CSGALNACT1: variants seen among roughly 807,000 people sequenced by gnomAD.
CSGALNACT1 encodes the protein beta4GalNAcT-1.
In CSGALNACT1, 52 loss-of-function variants were observed where a neutral mutation model predicts 51.0. That is an observed-to-expected ratio of 1.02 (90% CI 0.82 to 1.29). The LOEUF (loss-of-function observed/expected upper bound fraction) is 1.29. CSGALNACT1 is among the 50% of genes most tolerant of loss of function. CSGALNACT1 has a pLI of 0.00. For missense variants in CSGALNACT1, 935 were observed against 679.2 expected (o/e 1.38, Z -4.19); for synonymous variants, 341 against 254.4 (o/e 1.34, Z -3.24).
At chr8:19,718,403 C>T (rs1470406422) in intron 1 of CSGALNACT1, among the ~76,000 whole-genome samples, 1 of 152,144 alleles carries the variant, frequency 6.6e-6, no homozygotes. Flanking sequence ...AGCCTGGCCA[C>T]AGGCTTTCTA....
intron 1 of CSGALNACT1, among the ~76,000 whole-genome samples, chr8:19,728,627 C>G (rs117009166): frequency 0.012 from 1,796 of 152,268 alleles, 18 homozygotes; most frequent in Non-Finnish European, 0.018. Context: ...CATGTTCATT[C>G]CACATTTCAG....
At chr8:19,665,671 C>A (rs2059123860) in intron 1 of CSGALNACT1, among the ~76,000 whole-genome samples, 1 of 152,136 alleles carries the variant, frequency 6.6e-6, no homozygotes, top group Admixed American at 6.6e-5. Context: ...GGTTCTGCGA[C>A]CAGAACCAAA....
upstream of CSGALNACT1, among the ~76,000 whole-genome samples, chr8:19,606,588 T>G (rs997832175): frequency 1.3e-5 from 2 of 152,216 alleles, no homozygotes; most frequent in Non-Finnish European, 2.9e-5. Flanking sequence ...TGTTATTTTG[T>G]CAAATGAAAA....
chr8:19,747,793 C>T (rs2064772912), intron 1 of CSGALNACT1, among the ~76,000 whole-genome samples: 1 of 151,336 alleles, frequency 6.6e-6, no homozygotes, highest in African/African-American at 2.4e-5. Context: ...AACTTGTCTA[C>T]ACCTCCAACT....
intron 6 of CSGALNACT1, among the ~76,000 whole-genome samples, chr8:19,428,923 C>T (rs1162511375): frequency 6.6e-6 from 1 of 150,882 alleles, no homozygotes; most frequent in Non-Finnish European, 1.5e-5. Flanking sequence ...AGTTAAAATT[C>T]ACACAACATA....
intron 5 of CSGALNACT1, among the ~76,000 whole-genome samples, chr8:19,454,359 T>C (rs2063707836): frequency 6.6e-6 from 1 of 152,220 alleles, no homozygotes; most frequent in South Asian, 2.1e-4. Context: ...GTAAAGGTTG[T>C]AACCCTGTCA....
rs546648948 is a variant in CSGALNACT1, at chr8:19,411,822, G to A, written c.1228-3128C>T. 4.0e-4 allele frequency among the ~76,000 whole-genome samples: 59 copies of A among 147,896 alleles called. No homozygotes were observed. The South Asian group carries it at 5.2e-3, about 13-fold the overall frequency. On this transcript the variant is annotated intron_variant, in intron 8 of 9. Transcript: ENST00000454498. ...CTGGATTTCACTGATCTGTTTCCAA[G>A]CACTATCCTCCTTTTTTTTTTTTTT... is the stretch of plus-strand genomic sequence containing the variant.
At chr8:19,442,512 T>G (rs1202702992) in intron 5 of CSGALNACT1, among the ~76,000 whole-genome samples, 2 of 144,056 alleles carry the variant, frequency 1.4e-5, no homozygotes, top group African/African-American at 5.2e-5. Context: ...TAGGTGGGAA[T>G]TGAACAATGA....
At chr8:19,600,351 A>G (rs1041045187) in intron 2 of CSGALNACT1, among the ~76,000 whole-genome samples, 7 of 152,172 alleles carry the variant, frequency 4.6e-5, no homozygotes, top group Admixed American at 1.3e-4. Context: ...AAGTGCTGGG[A>G]TTATAGGAGT....
chr8:19,624,676 G>GT (rs552913018), intron 1 of CSGALNACT1, among the ~76,000 whole-genome samples: 5,883 of 144,196 alleles, frequency 0.041, 301 homozygotes, highest in African/African-American at 0.11. Context: ...CCATCTTCTT[G>GT]TTTTTTTTTT....
intron 1 of CSGALNACT1, among the ~76,000 whole-genome samples, chr8:19,719,064 G>A (rs2062971705): frequency 6.6e-6 from 1 of 152,194 alleles, no homozygotes; most frequent in Non-Finnish European, 1.5e-5. Flanking sequence ...GCTAAAACCT[G>A]AGAGCTAAAT....
rs529184724 is a variant in CSGALNACT1, at chr8:19,577,339, G to A, written c.-297+13821C>T. 1.7e-3 allele frequency among the ~76,000 whole-genome samples: 256 copies of A among 151,186 alleles called. 2 individuals are homozygous for A. Among genetic ancestry groups the A allele is most frequent in the African/African-American group, 6.1e-3 (247 of 40,792 alleles). On this transcript the variant is annotated intron_variant, in intron 3 of 9. Transcript: ENST00000454498. ...GCGCTTTGGGAGGTCAAGGCAGGGGGACGGCTTGAGGCCAGGGGTTTGAGA... is the reference window on the plus strand; with the variant it reads ...GCGCTTTGGGAGGTCAAGGCAGGGGAACGGCTTGAGGCCAGGGGTTTGAGA...
At chr8:19,404,689 T>G (rs1388077772) in exon 10 of CSGALNACT1, 8 of 454,142 alleles carry the variant, frequency 1.8e-5, no homozygotes, top group Non-Finnish European at 3.5e-5. Context: ...GAAAAGAGAT[T>G]GTTTGGTTCA....
intron 1 of CSGALNACT1, among the ~76,000 whole-genome samples, chr8:19,656,683 A>G (rs1177975769): frequency 1.3e-5 from 2 of 151,998 alleles, no homozygotes; most frequent in African/African-American, 4.8e-5. Context: ...TCTAAAAGAA[A>G]TAAAAAGTAG....
At chr8:19,628,442 C>T (rs1336154969) in intron 1 of CSGALNACT1, among the ~76,000 whole-genome samples, 3 of 152,200 alleles carry the variant, frequency 2.0e-5, no homozygotes. Flanking sequence ...CCAGGTCCCT[C>T]CCTTGATACA....
intron 3 of CSGALNACT1, among the ~76,000 whole-genome samples, chr8:19,590,640 C>CTTTTTTT (rs34859554): frequency 5.8e-5 from 4 of 68,982 alleles, no homozygotes; most frequent in African/African-American, 1.6e-4. Context: ...GACCTAACTA[C>CTTTTTTT]TTTTTTTTTT....
intron 3 of CSGALNACT1, among the ~76,000 whole-genome samples, chr8:19,556,564 T>A (rs1236297992): frequency 6.6e-6 from 1 of 152,218 alleles, no homozygotes; most frequent in Non-Finnish European, 1.5e-5. Context: ...CCAAGACTGC[T>A]GACCAATAGT....
chr8:19,487,808 T>C (rs913681958), intron 4 of CSGALNACT1, among the ~76,000 whole-genome samples: 4 of 152,108 alleles, frequency 2.6e-5, no homozygotes, highest in Admixed American at 6.6e-5. Flanking sequence ...CATGAAATCA[T>C]TGAGCTCTCT....
chr8:19,460,235 G>C (rs2065059704), intron 4 of CSGALNACT1, among the ~76,000 whole-genome samples: 1 of 152,160 alleles, frequency 6.6e-6, no homozygotes, highest in African/African-American at 2.4e-5. Context: ...TACCTTTTGA[G>C]AGTGAGAGAG....
Sources: gnomAD v4.1 joint callset for allele counts (sites outside exome capture counted in the v4.1 genomes callset) on GRCh38, gnomAD v4.1.1 for gene constraint, MANE v1.5 for transcripts, NCBI Gene and HGNC (gene_info 2026-07-23, HGNC 2026-07-21) for gene names.